The following FAM53A variants were observed in gnomAD, a reference collection of about 807,000 sequenced individuals.
FAM53A encodes protein FAM53A.
Under a neutral mutation model 26.6 loss-of-function variants are expected in FAM53A, and 28 were observed. That is an observed-to-expected ratio of 1.05 (90% CI 0.78 to 1.45). The LOEUF (loss-of-function observed/expected upper bound fraction) is 1.45. Ranked by LOEUF, FAM53A falls within the 40% of genes most tolerant of loss-of-function variation. The pLI, the probability that FAM53A is intolerant of heterozygous loss-of-function variation, is 0.00. For missense variants in FAM53A, 650 were observed against 575.8 expected, an observed-to-expected ratio of 1.13 and a Z score of -1.32; for synonymous variants, 290 against 253.1, an observed-to-expected ratio of 1.15 and a Z score of -1.38.
intron 1 of FAM53A, among the ~76,000 whole-genome samples, chr4:1,681,272 T>C (rs1259505503): frequency 6.6e-6 from 1 of 151,972 alleles, no homozygotes; most frequent in Non-Finnish European, 1.5e-5. Context: ...ATTTTTTGTA[T>C]TTTTTAGTAG....
the FAM53A span, among the ~76,000 whole-genome samples, chr4:1,598,795 G>A: frequency 1.3e-5 from 2 of 152,252 alleles, no homozygotes; most frequent in Non-Finnish European, 2.9e-5. Flanking sequence ...GCCGCAGGAT[G>A]GAGCCCGGCG....
chr4:1,626,272 T>C (rs1287819753), intron 1 of FAM53A, among the ~76,000 whole-genome samples: 1 of 152,138 alleles, frequency 6.6e-6, no homozygotes, highest in Non-Finnish European at 1.5e-5. Context: ...TACAGCTGCA[T>C]GGAGCATGAA....
intron 2 of FAM53A, among the ~76,000 whole-genome samples, chr4:1,661,114 C>T (rs552689701): frequency 6.6e-6 from 1 of 152,138 alleles, no homozygotes; most frequent in South Asian, 2.1e-4. Flanking sequence ...CTGCTCTCCG[C>T]CCCTCAGCCC....
At chr4:1,676,507 A>G (rs1715054064) in intron 1 of FAM53A, among the ~76,000 whole-genome samples, 2 of 152,016 alleles carry the variant, frequency 1.3e-5, no homozygotes, top group Non-Finnish European at 2.9e-5. Context: ...CCCTAAAACA[A>G]GCTGTATTTT....
intron 1 of FAM53A, among the ~76,000 whole-genome samples, chr4:1,669,333 G>A (rs1296831853): frequency 6.6e-6 from 1 of 152,242 alleles, no homozygotes; most frequent in African/African-American, 2.4e-5. Flanking sequence ...ATGCCAGCCA[G>A]CTAGGCAAGC....
At chr4:1,623,776 G>A (rs1317627241) in intron 1 of FAM53A, among the ~76,000 whole-genome samples, 1 of 152,246 alleles carries the variant, frequency 6.6e-6, no homozygotes, top group Non-Finnish European at 1.5e-5. Flanking sequence ...GGACAGGGCT[G>A]CTAATGAAAA....
chr4:1,680,305 G>A (rs571990887), intron 1 of FAM53A, among the ~76,000 whole-genome samples: 1 of 104,294 alleles, frequency 9.6e-6, no homozygotes, highest in Non-Finnish European at 1.8e-5. Context: ...GGCAACGAGA[G>A]TGAAACTCCG....
chr4:1,674,757 C>T (rs1714919625), intron 1 of FAM53A, among the ~76,000 whole-genome samples: 1 of 152,092 alleles, frequency 6.6e-6, no homozygotes, highest in Non-Finnish European at 1.5e-5. Flanking sequence ...CAGACTTGAA[C>T]ATAACCTCCT....
chr4:1,581,296 G>A, the FAM53A span, among the ~76,000 whole-genome samples: 2 of 144,942 alleles, frequency 1.4e-5, no homozygotes, highest in African/African-American at 5.1e-5. Context: ...GGCCCCGCCT[G>A]CGGCCCAGGC....
At chr4:1,633,624 A>T (rs1164229392) in intron 1 of FAM53A, among the ~76,000 whole-genome samples, 1 of 152,208 alleles carries the variant, frequency 6.6e-6, no homozygotes, top group Non-Finnish European at 1.5e-5. Flanking sequence ...GGGTGAGCCC[A>T]TCAGTAAATC....
chr4:1,680,268 G>A (rs1431933675), intron 1 of FAM53A, among the ~76,000 whole-genome samples: 5 of 130,324 alleles, frequency 3.8e-5, no homozygotes, highest in African/African-American at 1.2e-4. Flanking sequence ...TCGGTGAGCC[G>A]AGATCGCACC....
chr4:1,645,087 A>T (rs1295840907), intron 4 of FAM53A: 1 of 152,668 alleles, frequency 6.6e-6, no homozygotes, highest in Non-Finnish European at 1.5e-5. Context: ...GCCAGGCAGC[A>T]GTCAAGGGTG....
chr4:1,654,608 G>A (rs1334995557), intron 4 of FAM53A, among the ~76,000 whole-genome samples: 2 of 152,212 alleles, frequency 1.3e-5, no homozygotes, highest in Admixed American at 1.3e-4. Context: ...TACTTCCTGA[G>A]CCATCACCAG....
chr4:1,617,514 G>A (rs759566341), downstream of FAM53A, among the ~76,000 whole-genome samples: 6 of 151,988 alleles, frequency 3.9e-5, no homozygotes, highest in African/African-American at 9.7e-5. Flanking sequence ...CACATCAGTC[G>A]GTATTCTAAT....
chr4:1,590,927 A>G, the FAM53A span, among the ~76,000 whole-genome samples: 4 of 136,224 alleles, frequency 2.9e-5, no homozygotes, highest in Non-Finnish European at 6.2e-5. Context: ...TTGTAGTTTT[A>G]TATGTTCTAA....
downstream of FAM53A, among the ~76,000 whole-genome samples, chr4:1,613,393 A>G (rs2108729267): frequency 6.6e-6 from 1 of 152,346 alleles, no homozygotes; most frequent in South Asian, 2.1e-4. Flanking sequence ...TAAGGGCCCT[A>G]ATCCCAGCCA....
chr4:1,665,226 G>C (rs983408316), intron 2 of FAM53A, among the ~76,000 whole-genome samples: 1 of 152,088 alleles, frequency 6.6e-6, no homozygotes, highest in Non-Finnish European at 1.5e-5. Context: ...ACTGAGGCAA[G>C]AGAATTGCTT....
chr4:1,668,816 G>T lies in FAM53A; in HGVS notation c.-75C>A. ...GAACATCAGACTTGCGAAGGCCCCA[G>T]CATTGCTGGGTCAGCCAAATCTCAA... On this transcript the variant is annotated 5_prime_UTR_variant, in exon 2 of 5. It adds an upstream start codon to the 5' untranslated region. Transcript: ENST00000308132. 1 of 1,433,590 alleles carries T rather than the reference G, an allele frequency of 7.0e-7. No homozygotes were observed. The highest frequency in any genetic ancestry group is 1.4e-5 in the African/African-American group (1 of 71,150). The allele number at this position is 1,433,590 out of a possible 1,614,324, so 88.8% of individuals were successfully genotyped here. A position where few individuals can be genotyped will look rare whatever the true frequency, so the allele number is the denominator to read the frequency against.
At chr4:1,599,481 G>A in the FAM53A span, among the ~76,000 whole-genome samples, 1 of 152,194 alleles carries the variant, frequency 6.6e-6, no homozygotes, top group African/African-American at 2.4e-5. This position sits in a 1 kb window ranked among gnomAD's most constrained non-coding sequence, Gnocchi z 6.1. Flanking sequence ...CACAGCCACG[G>A]GAGCAGCACT....
Sources: gnomAD v4.1 joint callset for allele counts (sites outside exome capture counted in the v4.1 genomes callset) on GRCh38, gnomAD v4.1.1 for gene constraint, Gnocchi (gnomAD v3.1) non-coding constraint, MANE v1.5 for transcripts, NCBI Gene and HGNC (gene_info 2026-07-23, HGNC 2026-07-21) for gene names.